The following ANTXR1 variants were observed in gnomAD, a reference collection of about 807,000 sequenced individuals.
ANTXR1 encodes the protein anthrax toxin receptor 1.
A neutral mutation model predicts 78.1 loss-of-function variants in ANTXR1; 19 were observed. That is an observed-to-expected ratio of 0.24 (90% CI 0.17 to 0.36). The LOEUF is 0.36. Among genes scored for constraint, ANTXR1 ranks in the 10% least tolerant of loss-of-function variants. The pLI, the probability that ANTXR1 is intolerant of heterozygous loss-of-function variation, is 1.00. For synonymous variants in ANTXR1, 273 were observed against 260.5 expected, an observed-to-expected ratio of 1.05 and a Z score of -0.46; for missense variants, 518 against 718.6, an observed-to-expected ratio of 0.72 and a Z score of 3.19.
At chr2:69,019,383 A>G (rs1671115647) in intron 1 of ANTXR1, among the ~76,000 whole-genome samples, 1 of 152,208 alleles carries the variant, frequency 6.6e-6, no homozygotes, top group Non-Finnish European at 1.5e-5. Flanking sequence ...ACATATAAAG[A>G]GTATAAGTAT....
intron 12 of ANTXR1, chr2:69,145,197 G>A: frequency 1.1e-6 from 1 of 903,124 alleles, no homozygotes; most frequent in Non-Finnish European, 1.7e-6. Context: ...CAGAGGCAGA[G>A]TTACGGGGGG....
intron 16 of ANTXR1, 135 bp downstream of exon 16, chr2:69,182,795 A>T: frequency 1.7e-6 from 2 of 1,181,216 alleles, no homozygotes; most frequent in South Asian, 1.3e-5. Flanking sequence ...ATCTAAAATT[A>T]TGGACTTGAA....
At chr2:69,202,835 G>A (rs1674808352) in intron 17 of ANTXR1, among the ~76,000 whole-genome samples, 1 of 152,206 alleles carries the variant, frequency 6.6e-6, no homozygotes, top group African/African-American at 2.4e-5. Flanking sequence ...CCACATTCCA[G>A]AGTGAATGTC....
At position 69,053,303 on chromosome 2, in the gene ANTXR1, T is replaced by C. The variant is rs573556632; in HGVS notation, c.296+8490T>C. On this transcript the variant is annotated intron_variant, in intron 3 of 17. Coordinates refer to ENST00000303714, the MANE Select transcript of ANTXR1 (RefSeq NM_032208.3). ...ATGAAAACATTTATATGTAGCATAATTTTATCTTAGGCAGAGTAGAGACCC... is the reference window on the plus strand; with the variant it reads ...ATGAAAACATTTATATGTAGCATAACTTTATCTTAGGCAGAGTAGAGACCC... Among the ~76,000 whole-genome samples, 459 of 152,280 alleles carry C rather than the reference T, an allele frequency of 3.0e-3. 2 individuals are homozygous for C. Among genetic ancestry groups the C allele is most frequent in the Non-Finnish European group, 4.9e-3 (332 of 68,014 alleles).
At chr2:69,241,398 T>A (rs549021393) in intron 17 of ANTXR1, among the ~76,000 whole-genome samples, 1 of 152,236 alleles carries the variant, frequency 6.6e-6, no homozygotes, top group Non-Finnish European at 1.5e-5. Flanking sequence ...TAAGAACTTA[T>A]TGTAACCACA....
At chr2:69,015,086 A>G (rs66592948) in intron 1 of ANTXR1, among the ~76,000 whole-genome samples, 17,398 of 148,040 alleles carry the variant, frequency 0.12, 1,167 homozygotes, top group African/African-American at 0.18. Context: ...AAAAAAAAAA[A>G]GGGGGACAGA....
intron 12 of ANTXR1, chr2:69,146,416 T>C (rs1673227602): frequency 1.0e-6 from 1 of 968,000 alleles, no homozygotes; most frequent in Non-Finnish European, 1.2e-6. Flanking sequence ...GGGTTGATAC[T>C]TAGGCTATTG....
At chr2:69,129,636 A>T (rs1672659823) in intron 12 of ANTXR1, among the ~76,000 whole-genome samples, 2 of 152,042 alleles carry the variant, frequency 1.3e-5, no homozygotes, top group Non-Finnish European at 1.5e-5. Context: ...CTGTAATCCC[A>T]GCTACTCAGG....
chr2:69,231,486 C>T (rs1227600517), intron 17 of ANTXR1, among the ~76,000 whole-genome samples: 3 of 152,184 alleles, frequency 2.0e-5, no homozygotes, highest in Admixed American at 1.3e-4. Flanking sequence ...CCATGAATGA[C>T]CCCACTAGGC....
intron 11 of ANTXR1, among the ~76,000 whole-genome samples, 192 bp from the exon 12 acceptor site, chr2:69,124,370 AAGG>A (rs1271388770): frequency 1.3e-5 from 2 of 152,220 alleles, no homozygotes; most frequent in Admixed American, 6.5e-5. Flanking sequence ...CTAAACTTTA[AAGG>A]AGGATGGGCT....
chr2:69,135,003 G>C (rs147039753), intron 12 of ANTXR1: 263 of 405,614 alleles, frequency 6.5e-4, no homozygotes, highest in African/African-American at 4.9e-3. Context: ...AGGATGGCTT[G>C]TGGTTTTACA....
At chr2:69,194,707 G>A (rs1039031792) in intron 17 of ANTXR1, among the ~76,000 whole-genome samples, 1 of 152,032 alleles carries the variant, frequency 6.6e-6, no homozygotes, top group Non-Finnish European at 1.5e-5. Flanking sequence ...ACAAAAATTA[G>A]CTAGGTATGG....
At chr2:69,077,290 CA>C in intron 7 of ANTXR1, 117 bp from the exon 8 acceptor site, 1 of 1,084,546 alleles carries the variant, frequency 9.2e-7, no homozygotes, top group Non-Finnish European at 1.4e-6. Context: ...GTGAAGGCCT[CA>C]TATTCCCCTG....
At chr2:69,029,100 G>A (rs548596579) in intron 1 of ANTXR1, among the ~76,000 whole-genome samples, 8 of 151,226 alleles carry the variant, frequency 5.3e-5, no homozygotes, top group South Asian at 2.1e-4. Context: ...GTGGTGGCGC[G>A]TGCCTGCTGT....
intron 10 of ANTXR1, among the ~76,000 whole-genome samples, chr2:69,103,938 ATTTTT>A (rs72060440): frequency 1.5e-5 from 2 of 133,918 alleles, no homozygotes; most frequent in Non-Finnish European, 3.2e-5. Context: ...CTGATAGCCT[ATTTTT>A]TTTTTTTTTT....
At chr2:69,218,499 T>C (rs1675234532) in intron 17 of ANTXR1, among the ~76,000 whole-genome samples, 1 of 152,152 alleles carries the variant, frequency 6.6e-6, no homozygotes, top group Non-Finnish European at 1.5e-5. Context: ...AATGCAGGTG[T>C]AGTTAGCCCT....
rs1343694743 is a variant in ANTXR1, at chr2:69,202,557, G to C, written c.1434+9142G>C. Among the ~76,000 whole-genome samples the C allele has an allele frequency of 2.6e-5, 4 of 152,186 alleles. 1 individual carries two copies. The South Asian group carries it at 8.3e-4, about 32-fold the overall frequency. Reference sequence around the variant, plus strand: ...GTGGCAGAGATCCAGTAGAGGAAGGGGTTGAAGACAAGAACTCACTGTTAG... The same window carrying C: ...GTGGCAGAGATCCAGTAGAGGAAGGCGTTGAAGACAAGAACTCACTGTTAG... On this transcript the variant is annotated intron_variant, in intron 17 of 17. Transcript: ENST00000303714.
intron 9 of ANTXR1, among the ~76,000 whole-genome samples, chr2:69,094,792 C>T (rs574343019): frequency 6.6e-6 from 1 of 152,350 alleles, no homozygotes; most frequent in East Asian, 1.9e-4. Flanking sequence ...ATATGTTGGG[C>T]TGCACATAAC....
intron 12 of ANTXR1, among the ~76,000 whole-genome samples, chr2:69,132,092 C>A (rs1672766686): frequency 6.6e-6 from 1 of 152,194 alleles, no homozygotes; most frequent in South Asian, 2.1e-4. Flanking sequence ...ACCATAGAGA[C>A]TGATAGACTC....
Sources: allele counts gnomAD v4.1 joint callset (sites outside exome capture counted in the v4.1 genomes callset), GRCh38; gene constraint gnomAD v4.1.1; transcripts MANE v1.5; gene names NCBI Gene and HGNC (gene_info 2026-07-23, HGNC 2026-07-21).